VTI1A: variants seen among roughly 807,000 people sequenced by gnomAD.
The protein encoded by VTI1A is vesicle transport through interaction with t-SNAREs homolog 1A.
A neutral mutation model predicts 34.9 loss-of-function variants in VTI1A; 22 were observed. The ratio of observed to expected loss-of-function variants is 0.63; its 90% CI spans 0.45 to 0.90. VTI1A has a LOEUF of 0.90. Among genes scored for constraint, VTI1A ranks in the 40% least tolerant of loss-of-function variants. The pLI is 0.00. For missense variants in VTI1A, 268 were observed against 275.6 expected (o/e 0.97, Z 0.20); for synonymous variants, 87 against 97.3 (o/e 0.89, Z 0.62).
intron 5 of VTI1A, among the ~76,000 whole-genome samples, chr10:112,642,557 G>A (rs921485892): frequency 7.4e-6 from 1 of 135,912 alleles, no homozygotes; most frequent in Admixed American, 7.8e-5. Context: ...TGTATTCATA[G>A]CATTCAGTAT....
intron 1 of VTI1A, among the ~76,000 whole-genome samples, chr10:112,457,512 T>C (rs1200394456): frequency 2.0e-5 from 3 of 152,176 alleles, no homozygotes; most frequent in Admixed American, 6.5e-5. Context: ...TTAACTCTTA[T>C]GTTGGGTTAG....
At chr10:112,621,961 A>C (rs6585163) in intron 5 of VTI1A, among the ~76,000 whole-genome samples, 83,622 of 151,914 alleles carry the variant, frequency 0.55, 23,366 homozygotes, top group Admixed American at 0.65. Flanking sequence ...TTCTTTACTA[A>C]ATGAGAGTAT....
Position 112,668,930 on chromosome 10 carries a change from C to T in VTI1A, c.499-7C>T, listed in dbSNP as rs751034803. On this transcript the variant is annotated splice_polypyrimidine_tract_variant and splice_region_variant and intron_variant, in intron 6 of 7. Transcript: ENST00000393077. ...GAACTTCTGTTTTGTTTTGTTTCTT[C>T]TTGTAGCTTCGGGAAACAGATGCTA... is the stretch of plus-strand genomic sequence containing the variant. 7 of 1,611,822 alleles carry T rather than the reference C, an allele frequency of 4.3e-6. No individual in the cohort carries two copies. Among genetic ancestry groups the T allele is most frequent in the Non-Finnish European group, 5.9e-6 (7 of 1,178,488 alleles).
At chr10:112,558,375 A>G (rs910513565) in intron 5 of VTI1A, among the ~76,000 whole-genome samples, 1 of 152,172 alleles carries the variant, frequency 6.6e-6, no homozygotes, top group Non-Finnish European at 1.5e-5. Flanking sequence ...AAAACCTCTG[A>G]TTTTAGAAGT....
intron 7 of VTI1A, among the ~76,000 whole-genome samples, chr10:112,754,982 C>T (rs939025927): frequency 6.6e-5 from 10 of 152,062 alleles, no homozygotes; most frequent in South Asian, 4.2e-4. Flanking sequence ...CTTAGCTGGG[C>T]GCGGTGGCTC....
chr10:112,600,241 G>A (rs1014660819), intron 5 of VTI1A, among the ~76,000 whole-genome samples: 1 of 152,086 alleles, frequency 6.6e-6, no homozygotes, highest in Non-Finnish European at 1.5e-5. Context: ...CTTCCAGAGT[G>A]CCCCTACTAT....
At chr10:112,573,993 G>C (rs1019044181) in intron 5 of VTI1A, among the ~76,000 whole-genome samples, 3 of 152,138 alleles carry the variant, frequency 2.0e-5, no homozygotes, top group Non-Finnish European at 2.9e-5. Flanking sequence ...TTCTTTATCT[G>C]AATATAATTG....
chr10:112,625,267 G>A (rs1286591585), intron 5 of VTI1A, among the ~76,000 whole-genome samples: 3 of 152,188 alleles, frequency 2.0e-5, no homozygotes, highest in East Asian at 3.9e-4. Context: ...ATTATCAGAA[G>A]CATCAGGTAT....
At chr10:112,623,017 G>T (rs1845787987) in intron 5 of VTI1A, among the ~76,000 whole-genome samples, 1 of 152,148 alleles carries the variant, frequency 6.6e-6, no homozygotes, top group South Asian at 2.1e-4. Flanking sequence ...TTTCTGCCTT[G>T]TGTATAATGC....
chr10:112,636,783 G>A (rs1046479522), intron 5 of VTI1A, among the ~76,000 whole-genome samples: 3 of 151,164 alleles, frequency 2.0e-5, no homozygotes, highest in African/African-American at 7.3e-5. Context: ...GTTCTTTGGT[G>A]TATTACTAGA....
At chr10:112,836,717 C>T in the VTI1A span, among the ~76,000 whole-genome samples, 1 of 152,116 alleles carries the variant, frequency 6.6e-6, no homozygotes, top group South Asian at 2.1e-4. Flanking sequence ...ATGCAGTTGA[C>T]TGTGGATGGA....
intron 5 of VTI1A, among the ~76,000 whole-genome samples, chr10:112,603,009 C>T (rs1460087072): frequency 1.3e-5 from 2 of 152,150 alleles, no homozygotes; most frequent in African/African-American, 4.8e-5. Context: ...TATCTGTGGT[C>T]AGAAGTGTTT....
intron 7 of VTI1A, among the ~76,000 whole-genome samples, chr10:112,677,483 C>T (rs1848073195): frequency 6.6e-6 from 1 of 152,102 alleles, no homozygotes; most frequent in Non-Finnish European, 1.5e-5. Context: ...CACCTTATCC[C>T]CAAAAGGATG....
chr10:112,697,865 CATGTGTGTGTGTGTGTGT>C (rs1848851156), intron 7 of VTI1A, among the ~76,000 whole-genome samples: 1 of 126,112 alleles, frequency 7.9e-6, no homozygotes, highest in Non-Finnish European at 1.7e-5. Context: ...TTAGCATTTA[CATGTGTGTGTGTGTGTGT>C]GTGTGTGTGT....
At chr10:112,775,562 C>T (rs771060508) in intron 7 of VTI1A, among the ~76,000 whole-genome samples, 18 of 151,654 alleles carry the variant, frequency 1.2e-4, no homozygotes, top group South Asian at 2.1e-4. Flanking sequence ...ATTCAAATTC[C>T]TAACAGCAGA....
At chr10:112,541,253 G>C (rs1850858621) in intron 5 of VTI1A, among the ~76,000 whole-genome samples, 1 of 152,082 alleles carries the variant, frequency 6.6e-6, no homozygotes. Context: ...ATTGGAGAGA[G>C]AGAAAAACCA....
chr10:112,626,487 A>G (rs1003296181), intron 5 of VTI1A, among the ~76,000 whole-genome samples: 1 of 152,170 alleles, frequency 6.6e-6, no homozygotes, highest in Non-Finnish European at 1.5e-5. Flanking sequence ...ATGAAATTAT[A>G]ATCTTTTTCT....
Position 112,520,621 on chromosome 10 carries a change from ATGTGTGTG to A in VTI1A, c.265-6446_265-6439del, listed in dbSNP as rs150383079. Among the ~76,000 whole-genome samples, 635 of 138,070 alleles carry A rather than the reference ATGTGTGTG, an allele frequency of 4.6e-3. 6 individuals are homozygous for A. Among genetic ancestry groups the A allele is most frequent in the African/African-American group, 0.013 (473 of 37,152 alleles). 90.6% of individuals were successfully genotyped at this position (138,070 alleles called of 152,430 possible). A position where few individuals can be genotyped will look rare whatever the true frequency, so the allele number is the denominator to read the frequency against. On this transcript the variant is annotated intron_variant, in intron 3 of 7. Transcript: ENST00000393077. ...TGCAAATGGGTTTTTTAGTCTCTATATGTGTGTGTGTGTGTGTGTGTGTGTGTATATAT... is the reference window on the plus strand; with the variant it reads ...TGCAAATGGGTTTTTTAGTCTCTATATGTGTGTGTGTGTGTGTGTATATAT...
chr10:112,851,820 C>T, the VTI1A span, among the ~76,000 whole-genome samples: 1 of 152,104 alleles, frequency 6.6e-6, no homozygotes, highest in Non-Finnish European at 1.5e-5. Flanking sequence ...TCTTTACTTT[C>T]CACCACACTT....
Sources: allele counts gnomAD v4.1 joint callset (sites outside exome capture counted in the v4.1 genomes callset), GRCh38; gene constraint gnomAD v4.1.1; transcripts MANE v1.5; gene names NCBI Gene and HGNC (gene_info 2026-07-23, HGNC 2026-07-21).